The following SCRIB variants were observed in gnomAD, a reference collection of about 807,000 sequenced individuals.
SCRIB encodes the protein scribble planar cell polarity protein, also known as protein scribble homolog.
SCRIB carries 72 observed loss-of-function variants against 170.0 expected under a neutral mutation model. The ratio of observed to expected loss-of-function variants is 0.42; its 90% CI spans 0.35 to 0.52. SCRIB has a LOEUF of 0.52. SCRIB is among the 20% of genes least tolerant of loss of function. The probability of loss-of-function intolerance (pLI) is 0.02; values close to 1 mark genes in which losing one functional copy is unlikely to be tolerated. For missense variants in SCRIB, 2,475 were observed against 2,338.5 expected (o/e 1.06, Z -1.20); for synonymous variants, 1,298 against 1,044.3 (o/e 1.24, Z -4.68).
intron 24 of SCRIB, among the ~76,000 whole-genome samples, chr8:143,802,603 G>A (rs1425121829): frequency 6.6e-6 from 1 of 152,270 alleles, no homozygotes; most frequent in Non-Finnish European, 1.5e-5. Context: ...GGCCCTGCAG[G>A]CCACTCCAGT....
At chr8:143,791,792 A>C in intron 34 of SCRIB, 52 bp from the exon 35 acceptor site, 2 of 893,886 alleles carry the variant, frequency 2.2e-6, no homozygotes, top group Non-Finnish European at 3.4e-6. Flanking sequence ...AAAGGGGGGG[A>C]TGAGGGCCAC....
chr8:143,809,676 G>A lies in SCRIB; in HGVS notation c.1573C>T (p.Arg525Cys), dbSNP rs749547116. Reference protein sequence around the residue: ...SAESGLSEDSRPSASTVSEAE... With the variant: ...SAESGLSEDSCPSASTVSEAE... ...TCAGAGACTGTGCTGGCAGATGGGCGAGAGTCTTCACTCAGGCCAGACTCG... is the reference window on the plus strand; with the variant it reads ...TCAGAGACTGTGCTGGCAGATGGGCAAGAGTCTTCACTCAGGCCAGACTCG... Residue 525 changes from arginine (R) to cysteine (C), a missense_variant, in exon 14 of 37, where the codon CGC (arginine) becomes TGC (cysteine). Arg to Cys is a radical substitution (Grantham distance 180). Transcript: ENST00000356994. 3.1e-6 allele frequency: 5 copies of A among 1,610,808 alleles called. No homozygotes were observed. The highest frequency in any genetic ancestry group is 1.7e-5 in the Admixed American group (1 of 59,968).
chr8:143,810,812 A>G lies in SCRIB; in HGVS notation c.1278T>C (p.Asp426=). 6.2e-7 allele frequency: 1 copy of G among 1,602,076 alleles called. No homozygotes were observed. The highest frequency in any genetic ancestry group is 8.5e-7 in the Non-Finnish European group (1 of 1,176,954). ...CCGAGAGGCTCCCCTGCTGCCCAGC[A>G]TCCTCTGCAGCAGGTGAGCGTCAGG... The part of the protein sequence containing the change: ...LPQQPPPSLE[D]AGQQGSLSET... The change falls in exon 12 of 37, where the codon GAT becomes GAC. Residue 426 remains aspartate, a synonymous_variant. Transcript: ENST00000356994.
chr8:143,815,731 A>ACACC lies in SCRIB; in HGVS notation c.-363_-360dup. 1 of 983,404 alleles carries ACACC rather than the reference A, an allele frequency of 1.0e-6. No individual in the cohort carries two copies. Among genetic ancestry groups the ACACC allele is most frequent in the Non-Finnish European group, 1.2e-6 (1 of 829,330 alleles). The allele number at this position is 983,404 out of a possible 1,614,324, so 60.9% of individuals were successfully genotyped here. On this transcript the variant is annotated 5_prime_UTR_variant, in exon 1 of 37. Transcript: ENST00000356994. ...CGCTGCCCGCCGGACTGCCCCGCCG[A>ACACC]CACCCACCCGGCCGCCGCGCAGCCC... is the stretch of plus-strand genomic sequence containing the variant.
Position 143,809,736 on chromosome 8 carries a change from G to A in SCRIB, c.1531-18C>T, listed in dbSNP as rs368688018. On this transcript the variant is annotated intron_variant, in intron 13 of 36. Coordinates refer to ENST00000356994, the MANE Select transcript of SCRIB (RefSeq NM_182706.5). ...CGCTTCTCCTGCGGCGGGAAGTGGGGTCAGGCTTCGACGGAGCTCCCGACT... is the reference window on the plus strand; with the variant it reads ...CGCTTCTCCTGCGGCGGGAAGTGGGATCAGGCTTCGACGGAGCTCCCGACT... 9.4e-6 allele frequency: 15 copies of A among 1,603,130 alleles called. No homozygotes were observed. The African/African-American group carries it at 2.0e-4, about 21-fold the overall frequency.
At chr8:143,795,995 G>A (rs1294229696) in intron 24 of SCRIB, among the ~76,000 whole-genome samples, 2 of 152,148 alleles carry the variant, frequency 1.3e-5, no homozygotes, top group Non-Finnish European at 2.9e-5. Flanking sequence ...GGGACACCAT[G>A]CAGGAGGCCC....
At chr8:143,814,343 T>A (rs978227839) in intron 1 of SCRIB, among the ~76,000 whole-genome samples, 16 of 151,650 alleles carry the variant, frequency 1.1e-4, no homozygotes, top group Non-Finnish European at 2.1e-4. Context: ...CACACCAGCC[T>A]CCACTCTGAG....
At position 143,803,721 on chromosome 8, in the gene SCRIB, T is replaced by C. The variant is rs1483878975; in HGVS notation, c.3340A>G (p.Ser1114Gly). 2 of 1,594,322 alleles carry C rather than the reference T, an allele frequency of 1.3e-6. No individual in the cohort carries two copies. The highest frequency in any genetic ancestry group is 2.2e-5 in the South Asian group (2 of 89,478). The change falls in exon 23 of 37, where the codon AGC (serine) becomes GGC (glycine). Residue 1114 changes from serine to glycine, a missense_variant. Physicochemically the swap from Ser to Gly is moderately conservative, Grantham distance 56 (BLOSUM62 0). Around this residue, in one of 3 missense-constraint regions of SCRIB, gnomAD observed 1,966 missense variants for 1,742.9 expected, o/e 1.13. Coordinates refer to ENST00000356994, the MANE Select transcript of SCRIB (RefSeq NM_182706.5). The part of the protein sequence containing the change: ...QKAPGERLGI[S>G]IRGGARGHAG... ...TGGCCCCTGGCACCCCCGCGGATGCTGATGCCCAGCCTCTCCCCAGGTGCC... is the reference window on the plus strand; with the variant it reads ...TGGCCCCTGGCACCCCCGCGGATGCCGATGCCCAGCCTCTCCCCAGGTGCC...
intron 9 of SCRIB, among the ~76,000 whole-genome samples, chr8:143,811,659 GT>G (rs1815729403): frequency 6.6e-6 from 1 of 152,008 alleles, no homozygotes; most frequent in Non-Finnish European, 1.5e-5. Flanking sequence ...AGCCTGTCTG[GT>G]GCCCCACTGG....
chr8:143,815,346 G>T lies in SCRIB; in HGVS notation c.27C>A (p.Arg9=). The stretch of plus-strand genomic sequence containing the variant: ...CCACCGACTCCACGTGCCGGTTGCA[G>T]CGCCACAGCGGGATGCACTTGAGCA... MLKCIPLW[R]CNRHVESVDK... The change falls in exon 1 of 37, where the codon CGC becomes CGA. Residue 9 remains arginine (R), a synonymous_variant. Coordinates refer to ENST00000356994, the MANE Select transcript of SCRIB (RefSeq NM_182706.5). 2 of 1,549,262 alleles carry T rather than the reference G, an allele frequency of 1.3e-6. No individual in the cohort carries two copies. Among genetic ancestry groups the T allele is most frequent in the East Asian group, 2.6e-5 (1 of 38,812 alleles).
In SCRIB at chr8:143,792,201, AC is replaced by A. The variant is rs1814719015; in HGVS notation, c.4514+18del. Reference sequence around the variant, plus strand: ...GGACAGGCAGCAGGGCGGGGTGGCGACCCCACACAGGGGCTCACCTGGCTGC... The same window carrying A: ...GGACAGGCAGCAGGGCGGGGTGGCGACCCACACAGGGGCTCACCTGGCTGC... On this transcript the variant is annotated intron_variant, in intron 32 of 36. Coordinates refer to ENST00000356994, the MANE Select transcript of SCRIB (RefSeq NM_182706.5). 6.5e-7 allele frequency: 1 copy of A among 1,550,292 alleles called. No homozygotes were observed. The highest frequency in any genetic ancestry group is 8.7e-7 in the Non-Finnish European group (1 of 1,153,944).
chr8:143,812,664 G>A (rs1030725611), intron 8 of SCRIB, among the ~76,000 whole-genome samples, 153 bp downstream of exon 8: 4 of 152,008 alleles, frequency 2.6e-5, no homozygotes, highest in South Asian at 2.1e-4. Flanking sequence ...GCTGCCCCAG[G>A]GTCCCACCTC....
At position 143,795,341 on chromosome 8, in the gene SCRIB, C is replaced by G; in HGVS notation, c.3715-8G>C. ...TCCAGGCAGCTCCTTCTCCTGTGAG[C>G]AGAGCAGAGCAGACCCGTCAGGCAC... is the stretch of plus-strand genomic sequence containing the variant. On this transcript the variant is annotated splice_region_variant and splice_polypyrimidine_tract_variant and intron_variant, in intron 25 of 36. Coordinates refer to ENST00000356994, the MANE Select transcript of SCRIB (RefSeq NM_182706.5). 1 of 1,612,476 alleles carries G rather than the reference C, an allele frequency of 6.2e-7. No homozygotes were observed. The highest frequency in any genetic ancestry group is 2.2e-5 in the East Asian group (1 of 44,858).
rs757568962 is a variant in SCRIB at position 143,812,403 on chromosome 8, G to A, written c.788-19C>T. The A allele has an allele frequency of 2.4e-5, 37 of 1,569,826 alleles. No homozygotes were observed. The highest frequency in any genetic ancestry group is 2.0e-4 in the African/African-American group (15 of 74,064). On this transcript the variant is annotated intron_variant, in intron 8 of 36. Transcript: ENST00000356994. ...AGCTGACCTGGCGTCGGGGAGACAG[G>A]GGGACAAGGCTGAGCATGGTCCCCA...
chr8:143,804,076 A>G lies in SCRIB; in HGVS notation c.3090T>C (p.Gly1030=), dbSNP rs1160612913. Residue 1030 remains glycine (G), a synonymous_variant, in exon 22 of 37, where the codon GGT becomes GGC. Transcript: ENST00000356994. ...GGSDHSSHPF[G]VQEPGVFISK... ...AGATGAACACACCAGGCTCCTGGAC[A>G]CCAAACGGGTGGCTGGAATGGTCGG... The G allele has an allele frequency of 1.2e-6, 2 of 1,612,244 alleles. No homozygotes were observed. Among genetic ancestry groups the G allele is most frequent in the Middle Eastern group, 1.6e-4 (1 of 6,076 alleles).
chr8:143,794,379 A>C (rs577845168), intron 27 of SCRIB: 1 of 188,636 alleles, frequency 5.3e-6, no homozygotes, highest in South Asian at 1.6e-4. Context: ...CATGAGGATG[A>C]AGGGCCTCCC....
Position 143,803,369 on chromosome 8 carries a change from G to A in SCRIB, c.3603+14C>T, listed in dbSNP as rs1396523085. ...GCCAGAGGGAGGCCCGGTCCCCGGG[G>A]CGGGATCGCTAACCTCCAGGGCTGC... On this transcript the variant is annotated intron_variant, in intron 24 of 36. Coordinates refer to ENST00000356994, the MANE Select transcript of SCRIB (RefSeq NM_182706.5). 5.2e-6 allele frequency: 8 copies of A among 1,549,658 alleles called. No homozygotes were observed. The South Asian group carries it at 7.0e-5, about 13-fold the overall frequency.
chr8:143,810,609 T>C lies in SCRIB; in HGVS notation c.1405-5A>G, dbSNP rs1053423759. Reference sequence around the variant, plus strand: ...TGTGGCCCGGCGCTGTAGGCCCTGTTGTAGGGACAAGGATGAGCAGCAGCC... The same window carrying C: ...TGTGGCCCGGCGCTGTAGGCCCTGTCGTAGGGACAAGGATGAGCAGCAGCC... On this transcript the variant is annotated splice_region_variant and splice_polypyrimidine_tract_variant and intron_variant, in intron 12 of 36. Coordinates refer to ENST00000356994, the MANE Select transcript of SCRIB (RefSeq NM_182706.5). 2 of 1,613,048 alleles carry C rather than the reference T, an allele frequency of 1.2e-6. No homozygotes were observed.
chr8:143,800,486 G>A (rs1815129662), intron 24 of SCRIB, among the ~76,000 whole-genome samples: 1 of 152,230 alleles, frequency 6.6e-6, no homozygotes, highest in Admixed American at 6.5e-5. Context: ...TTCTGCCAGG[G>A]GGTGAAGCAG....
Sources: allele counts gnomAD v4.1 joint callset (sites outside exome capture counted in the v4.1 genomes callset), GRCh38; gene constraint gnomAD v4.1.1; regional missense constraint gnomAD v4.1.1; transcripts MANE v1.5; gene names NCBI Gene and HGNC (gene_info 2026-07-23, HGNC 2026-07-21).